The following ZFAND3 variants were observed in gnomAD, a reference collection of about 807,000 sequenced individuals.
ZFAND3 encodes AN1-type zinc finger protein 3.
A neutral mutation model predicts 29.6 loss-of-function variants in ZFAND3; 10 were observed. That is an observed-to-expected ratio of 0.34 (90% CI 0.21 to 0.57). The LOEUF (loss-of-function observed/expected upper bound fraction) is 0.57, where lower values mean the gene tolerates loss of function less well. ZFAND3 is among the 20% of genes least tolerant of loss of function. The probability of loss-of-function intolerance (pLI) is 0.86; values close to 1 mark genes in which losing one functional copy is unlikely to be tolerated. For missense variants in ZFAND3, 230 were observed against 304.5 expected (o/e 0.76, Z 1.82); for synonymous variants, 128 against 112.6 (o/e 1.14, Z -0.87).
intron 2 of ZFAND3, among the ~76,000 whole-genome samples, chr6:37,946,824 C>G (rs996557474): frequency 6.6e-6 from 1 of 152,066 alleles, no homozygotes; most frequent in East Asian, 1.9e-4. Flanking sequence ...GACGTACCTA[C>G]AGTAGTCATA....
chr6:38,026,222 T>C (rs1561970751), intron 2 of ZFAND3, among the ~76,000 whole-genome samples: 1 of 152,164 alleles, frequency 6.6e-6, no homozygotes. Flanking sequence ...ATACTTGATA[T>C]ATTGTTTTAT....
chr6:37,911,740 CAG>C (rs2127405243), intron 1 of ZFAND3, among the ~76,000 whole-genome samples: 1 of 152,264 alleles, frequency 6.6e-6, no homozygotes, highest in South Asian at 2.1e-4. Context: ...GATTTGGAAA[CAG>C]AAACCACTGA....
intron 1 of ZFAND3, among the ~76,000 whole-genome samples, chr6:37,863,086 C>T (rs1174167881): frequency 6.6e-6 from 1 of 152,152 alleles, no homozygotes; most frequent in Admixed American, 6.5e-5. Context: ...GATACTGTAA[C>T]CTTCCTAGGA....
intron 4 of ZFAND3, among the ~76,000 whole-genome samples, chr6:38,089,793 A>G (rs1341484173): frequency 6.6e-6 from 1 of 152,206 alleles, no homozygotes; most frequent in African/African-American, 2.4e-5. Flanking sequence ...TGTATTGTTC[A>G]ATATTACACA....
chr6:38,019,193 C>T (rs1393277461), intron 2 of ZFAND3, among the ~76,000 whole-genome samples: 8 of 152,126 alleles, frequency 5.3e-5, no homozygotes, highest in South Asian at 2.1e-4. Context: ...CTCCTGACCT[C>T]GTGATCCACC....
intron 1 of ZFAND3, among the ~76,000 whole-genome samples, chr6:37,829,795 T>A (rs1035423111): frequency 3.3e-5 from 5 of 152,200 alleles, no homozygotes; most frequent in African/African-American, 1.2e-4. Context: ...GCTGATGATC[T>A]TCTTCAGGGA....
intron 1 of ZFAND3, among the ~76,000 whole-genome samples, chr6:37,898,892 T>G (rs1377121700): frequency 8.1e-6 from 1 of 124,072 alleles, no homozygotes; most frequent in Non-Finnish European, 1.7e-5. Flanking sequence ...GTTTACATAT[T>G]CATTTCTTAT....
Position 37,819,848 on chromosome 6 carries a change from G to GTT in ZFAND3, c.-98_-97insTT, listed in dbSNP as rs1763624584. 1 of 375,762 alleles carries GTT rather than the reference G, an allele frequency of 2.7e-6. No homozygotes were observed. The highest frequency in any genetic ancestry group is 2.3e-5 in the African/African-American group (1 of 43,326). The allele number at this position is 375,762 out of a possible 1,614,324, so 23.3% of individuals were successfully genotyped here. A position where few individuals can be genotyped will look rare whatever the true frequency, so the allele number is the denominator to read the frequency against. On this transcript the variant is annotated 5_prime_UTR_variant, in exon 1 of 6. Coordinates refer to ENST00000287218, the MANE Select transcript of ZFAND3 (RefSeq NM_021943.3). Reference sequence around the variant, plus strand: ...CGCTCCTTCCCCCTCCCCCCGCCCCGAGCCCCCCGACGCCGCCGCCACCGC... The same window carrying GTT: ...CGCTCCTTCCCCCTCCCCCCGCCCCGTTAGCCCCCCGACGCCGCCGCCACCGC...
intron 2 of ZFAND3, among the ~76,000 whole-genome samples, chr6:37,942,122 A>G (rs150248403): frequency 6.6e-6 from 1 of 152,280 alleles, no homozygotes; most frequent in African/African-American, 2.4e-5. Flanking sequence ...TTGCCTTGCC[A>G]ATTAGAACAA....
At chr6:38,011,229 AT>A (rs1763147331) in intron 2 of ZFAND3, among the ~76,000 whole-genome samples, 1 of 152,104 alleles carries the variant, frequency 6.6e-6, no homozygotes, top group African/African-American at 2.4e-5. Context: ...TATTTCCAGT[AT>A]TGGAGTATTT....
chr6:37,925,869 CAGTT>C, intron 1 of ZFAND3, among the ~76,000 whole-genome samples: 1 of 152,164 alleles, frequency 6.6e-6, no homozygotes, highest in East Asian at 1.9e-4. Flanking sequence ...GTCAAATAGG[CAGTT>C]AGATATGTGA....
At chr6:37,997,074 TTAGG>T (rs1474558494) in intron 2 of ZFAND3, among the ~76,000 whole-genome samples, 1 of 152,192 alleles carries the variant, frequency 6.6e-6, no homozygotes, top group Non-Finnish European at 1.5e-5. Flanking sequence ...ATTATGTGAA[TTAGG>T]TAGGGAGAAG....
At chr6:37,890,434 T>C (rs1257729035) in intron 1 of ZFAND3, among the ~76,000 whole-genome samples, 1 of 152,222 alleles carries the variant, frequency 6.6e-6, no homozygotes, top group East Asian at 1.9e-4. Flanking sequence ...AGCTCTCTTG[T>C]TCTGACACTG....
intron 2 of ZFAND3, among the ~76,000 whole-genome samples, chr6:37,952,697 A>G (rs1762019128): frequency 6.6e-6 from 1 of 152,140 alleles, no homozygotes; most frequent in South Asian, 2.1e-4. Flanking sequence ...TTCTAGGTCC[A>G]TAGTGAGAGT....
At chr6:37,935,238 T>C (rs6458033) in intron 2 of ZFAND3, among the ~76,000 whole-genome samples, 140,480 of 152,264 alleles carry the variant, frequency 0.92, 65,580 homozygotes, top group East Asian at 1. Context: ...CCCTGGGACA[T>C]GAGTTATCAA....
At chr6:38,141,976 G>A (rs575656365) in intron 5 of ZFAND3, among the ~76,000 whole-genome samples, 26 of 152,332 alleles carry the variant, frequency 1.7e-4, no homozygotes, top group African/African-American at 5.5e-4. Flanking sequence ...CAGACACAGC[G>A]GAGGTTCTTC....
chr6:37,860,958 T>C (rs1057356356), intron 1 of ZFAND3, among the ~76,000 whole-genome samples: 2 of 152,012 alleles, frequency 1.3e-5, no homozygotes, highest in African/African-American at 4.8e-5. Context: ...ATGAGAGCAA[T>C]GTCTAGTTAA....
intron 2 of ZFAND3, among the ~76,000 whole-genome samples, chr6:38,046,492 C>T (rs1329569090): frequency 1.3e-5 from 2 of 152,234 alleles, no homozygotes; most frequent in Non-Finnish European, 1.5e-5. Flanking sequence ...CCCAATTTCA[C>T]TTGTCTTAAG....
At chr6:38,008,427 T>C (rs1763087128) in intron 2 of ZFAND3, among the ~76,000 whole-genome samples, 2 of 152,144 alleles carry the variant, frequency 1.3e-5, no homozygotes, top group Non-Finnish European at 2.9e-5. Context: ...CAGGAAAATA[T>C]GTAACAATTT....
Sources: gnomAD v4.1 joint callset for allele counts (sites outside exome capture counted in the v4.1 genomes callset) on GRCh38, gnomAD v4.1.1 for gene constraint, MANE v1.5 for transcripts, NCBI Gene and HGNC (gene_info 2026-07-23, HGNC 2026-07-21) for gene names.